The following WASHC2C variants were observed in gnomAD, a reference collection of about 807,000 sequenced individuals.
WASHC2C encodes Vaccinia Penetration Factor.
WASHC2C carries 73 observed loss-of-function variants against 142.2 expected under a neutral mutation model. The ratio of observed to expected loss-of-function variants is 0.51; its 90% confidence interval spans 0.43 to 0.62. WASHC2C has a LOEUF of 0.62. WASHC2C is among the 20% of genes least tolerant of loss of function. The probability of loss-of-function intolerance (pLI) is 0.00; values close to 1 mark genes in which losing one functional copy is unlikely to be tolerated. For missense variants in WASHC2C, 969 were observed against 1,531.7 expected (o/e 0.63, Z 6.13); for synonymous variants, 337 against 565.5 (o/e 0.60, Z 5.73).
chr10:45,754,347 T>G, intron 13 of WASHC2C, 139 bp from the exon 14 acceptor site: 8 of 1,528,750 alleles, frequency 5.2e-6, no homozygotes, highest in Non-Finnish European at 4.4e-6. Flanking sequence ...TAAGGAATTT[T>G]AAAATGGCTT....
At chr10:45,779,381 T>C (rs1228924272) in intron 23 of WASHC2C, among the ~76,000 whole-genome samples, 4 of 150,080 alleles carry the variant, frequency 2.7e-5, no homozygotes, top group African/African-American at 9.7e-5. Context: ...TTGTTGTTCC[T>C]TCTAGCAAAA....
At chr10:45,788,737 A>G (rs1554891268) in intron 28 of WASHC2C, 134 bp from the exon 29 acceptor site, 4 of 1,410,366 alleles carry the variant, frequency 2.8e-6, no homozygotes, top group Admixed American at 2.0e-5. Context: ...AACCTCTTCT[A>G]TGTTCTTAGA....
At chr10:45,746,369 C>T in intron 7 of WASHC2C, among the ~76,000 whole-genome samples, 1 of 151,888 alleles carries the variant, frequency 6.6e-6, no homozygotes, top group East Asian at 1.9e-4. Context: ...TTTAAGTGAA[C>T]CACAAAAATT....
rs1260241509 is a variant in WASHC2C, at chr10:45,773,282, TC to T, written c.2068del (p.Leu690SerfsTer50). 1.1e-6 allele frequency: 1 copy of T among 941,514 alleles called. No homozygotes were observed. The allele number at this position is 941,514 out of a possible 1,614,324, so 58.3% of individuals were successfully genotyped here. On this transcript the variant is annotated frameshift_variant, in exon 21 of 31. Coordinates refer to ENST00000623400, the MANE Select transcript of WASHC2C (RefSeq NM_001330074.2). LOFTEE classifies it high-confidence loss of function. ...DSQKKTQRVSLLFEDDVDSGG... is the reference protein window; with the variant it reads ...DSQKKTQRVSXLFEDDVDSGG... ...CAAAAGAAGACCCAGAGAGTGTCAC[TC>T]CTCTTTGAAGACGATGTTGATAGCG...
chr10:45,784,259 T>G (rs1270076479), intron 23 of WASHC2C, among the ~76,000 whole-genome samples: 6 of 4,230 alleles, frequency 1.4e-3, no homozygotes, highest in African/African-American at 2.9e-3. Context: ...TGTGTATATA[T>G]ATATATATAT....
chr10:45,729,158 T>C, intron 3 of WASHC2C, 132 bp downstream of exon 3: 1 of 1,095,364 alleles, frequency 9.1e-7, no homozygotes, highest in South Asian at 2.1e-5. Context: ...CTTTTTTCTC[T>C]GGGATTAACG....
intron 16 of WASHC2C, 23 bp downstream of exon 16, chr10:45,757,162 C>T (rs782043177): frequency 2.0e-5 from 33 of 1,610,730 alleles, no homozygotes; most frequent in South Asian, 7.7e-5. Context: ...GAAGACTTAA[C>T]GCAGGAGCAT....
chr10:45,786,724 C>G, intron 27 of WASHC2C, 50 bp downstream of exon 27: 2 of 1,611,642 alleles, frequency 1.2e-6, no homozygotes, highest in Non-Finnish European at 1.7e-6. Context: ...CATCTATAAA[C>G]TTTTTTGGGT....
chr10:45,748,352 C>T (rs1380909189), intron 8 of WASHC2C, among the ~76,000 whole-genome samples: 2 of 141,810 alleles, frequency 1.4e-5, no homozygotes, highest in Non-Finnish European at 3.0e-5. Context: ...TGCAGTGGCA[C>T]GATATTGGTT....
chr10:45,740,434 G>A (rs2051861940), intron 5 of WASHC2C, among the ~76,000 whole-genome samples, 188 bp downstream of exon 5: 1 of 152,186 alleles, frequency 6.6e-6, no homozygotes, highest in Non-Finnish European at 1.5e-5. Flanking sequence ...GAGGTGCAAG[G>A]CAACATGTCA....
chr10:45,755,149 G>A, intron 15 of WASHC2C, 34 bp downstream of exon 15: 1 of 1,569,468 alleles, frequency 6.4e-7, no homozygotes, highest in Non-Finnish European at 8.6e-7. Context: ...TAGGACTTCA[G>A]CCAGAAAAAG....
chr10:45,754,033 G>C (rs1393385726), intron 13 of WASHC2C, among the ~76,000 whole-genome samples: 1 of 151,734 alleles, frequency 6.6e-6, no homozygotes, highest in Non-Finnish European at 1.5e-5. Context: ...TTTGGCATCA[G>C]TGACTTGCTT....
rs2134350568 is a variant in WASHC2C, at chr10:45,743,479, T to C, written c.618T>C (p.Ser206=). Residue 206 remains serine (S), a synonymous_variant, in exon 6 of 31, where the codon AGT becomes AGC. Coordinates refer to ENST00000623400, the MANE Select transcript of WASHC2C (RefSeq NM_001330074.2). The stretch of plus-strand genomic sequence containing the variant: ...ATGTAGGTCTTGGAGAGCTGTCCAG[T>C]GAAGGTACTTTTCTTCACCAAATAA... ...QEDVGLGELS[S]EEGSVGSDRG... 6.2e-7 allele frequency: 1 copy of C among 1,611,532 alleles called. No individual in the cohort carries two copies. Among genetic ancestry groups the C allele is most frequent in the East Asian group, 2.2e-5 (1 of 44,854 alleles).
At chr10:45,730,902 A>G (rs1314176585) in intron 3 of WASHC2C, among the ~76,000 whole-genome samples, 1 of 151,768 alleles carries the variant, frequency 6.6e-6, no homozygotes, top group African/African-American at 2.4e-5. Flanking sequence ...TACAGGCCTG[A>G]GCCACGGCGC....
chr10:45,749,245 C>G (rs34183466), intron 8 of WASHC2C, among the ~76,000 whole-genome samples: 5 of 151,794 alleles, frequency 3.3e-5, no homozygotes, highest in East Asian at 3.9e-4. Context: ...GACCAGCCTG[C>G]CCAACATGGT....
In WASHC2C at chr10:45,727,301, C is replaced by A. The variant is rs749128385; in HGVS notation, c.-17C>A. On this transcript the variant is annotated 5_prime_UTR_variant, in exon 1 of 31. Transcript: ENST00000623400. ...CTGTGCTGGCAGCCTCGGAGCCCAC[C>A]GAGCCGGGCGGCTGGGATGGTGAGG... is the stretch of plus-strand genomic sequence containing the variant. 31 of 1,564,562 alleles carry A rather than the reference C, an allele frequency of 2.0e-5. No homozygotes were observed. The highest frequency in any genetic ancestry group is 2.7e-5 in the Non-Finnish European group (31 of 1,156,112).
Position 45,792,805 on chromosome 10 carries a change from G to A in WASHC2C, c.*405G>A. On this transcript the variant is annotated 3_prime_UTR_variant, in exon 31 of 31. Transcript: ENST00000623400. ...AGGGCTTGGGCAGGGGAAAGAGAAA[G>A]AAGATGAGAGATTATACTTCATGAG... 2.1e-6 allele frequency: 1 copy of A among 482,422 alleles called. No individual in the cohort carries two copies. Among genetic ancestry groups the A allele is most frequent in the Non-Finnish European group, 4.2e-6 (1 of 236,178 alleles). 29.9% of individuals were successfully genotyped at this position (482,422 alleles called of 1,614,324 possible).
intron 11 of WASHC2C, among the ~76,000 whole-genome samples, chr10:45,752,178 A>G (rs536286750): frequency 6.6e-6 from 1 of 152,342 alleles, no homozygotes; most frequent in African/African-American, 2.4e-5. Flanking sequence ...TTTTCCTGCA[A>G]ACAGCCATGT....
chr10:45,728,158 G>T (rs1366075738), intron 2 of WASHC2C, among the ~76,000 whole-genome samples: 1 of 152,030 alleles, frequency 6.6e-6, no homozygotes, highest in East Asian at 1.9e-4. Flanking sequence ...TGAGTAGCTG[G>T]GACTATAGGC....
Sources: gnomAD v4.1 joint callset for allele counts (sites outside exome capture counted in the v4.1 genomes callset) on GRCh38, gnomAD v4.1.1 for gene constraint, MANE v1.5 for transcripts, NCBI Gene and HGNC (gene_info 2026-07-23, HGNC 2026-07-21) for gene names.